The following IWS1 variants were observed in gnomAD, a reference collection of about 807,000 sequenced individuals.
The protein encoded by IWS1 is interacts with SUPT6H, CTD assembly factor 1.
IWS1 carries 27 observed loss-of-function variants against 86.7 expected under a neutral mutation model. The ratio of observed to expected loss-of-function variants is 0.31; its 90% CI spans 0.23 to 0.43. The LOEUF (loss-of-function observed/expected upper bound fraction) is 0.43, where lower values mean the gene tolerates loss of function less well. Ranked by LOEUF, IWS1 falls within the 20% of genes least tolerant of loss-of-function variation. IWS1 has a pLI of 1.00. For synonymous variants in IWS1, 313 were observed against 335.1 expected (o/e 0.93, Z 0.72); for missense variants, 827 against 1,000.8 (o/e 0.83, Z 2.34).
At chr2:127,513,083 A>G (rs1691560874) in intron 2 of IWS1, among the ~76,000 whole-genome samples, 1 of 152,204 alleles carries the variant, frequency 6.6e-6, no homozygotes, top group South Asian at 2.1e-4. Flanking sequence ...TCTACTAAAA[A>G]TACAAAAAGT....
chr2:127,493,836 C>CAAAAAAAAA (rs35810945), intron 8 of IWS1, among the ~76,000 whole-genome samples: 1 of 93,028 alleles, frequency 1.1e-5, no homozygotes. Flanking sequence ...ACTGGCAGGA[C>CAAAAAAAAA]AAAAAAAAAA....
intron 2 of IWS1, among the ~76,000 whole-genome samples, chr2:127,521,829 C>A (rs1692111476): frequency 6.6e-6 from 1 of 152,128 alleles, no homozygotes; most frequent in Non-Finnish European, 1.5e-5. Context: ...TATTTAGAAT[C>A]CATATTATAA....
At chr2:127,494,100 T>C (rs1474938802) in intron 8 of IWS1, among the ~76,000 whole-genome samples, 3 of 151,870 alleles carry the variant, frequency 2.0e-5, no homozygotes, top group Non-Finnish European at 2.9e-5. Context: ...TGCTCAGAAA[T>C]ATAAGCAAAT....
chr2:127,508,223 A>T (rs945748729), intron 2 of IWS1, among the ~76,000 whole-genome samples: 1 of 152,216 alleles, frequency 6.6e-6, no homozygotes, highest in African/African-American at 2.4e-5. Context: ...GCCTGACCTT[A>T]AGAGCTGCTG....
rs1692240603 is a variant in IWS1 at position 127,523,803 on chromosome 2, CA to C, written c.35-13del. The C allele has an allele frequency of 2.5e-6, 4 of 1,589,408 alleles. No individual in the cohort carries two copies. The East Asian group carries it at 8.9e-5, about 36-fold the overall frequency. On this transcript the variant is annotated splice_polypyrimidine_tract_variant and intron_variant, in intron 1 of 13. Transcript: ENST00000295321. ...AGCACCACCATCATCTGATTAAAAA[CA>C]AAACAAAAACCAACTTATGGTGTAA...
chr2:127,526,304 C>T lies in IWS1; in HGVS notation c.-96G>A. 1 of 1,542,094 alleles carries T rather than the reference C, an allele frequency of 6.5e-7. No homozygotes were observed. Among genetic ancestry groups the T allele is most frequent in the Non-Finnish European group, 8.7e-7 (1 of 1,146,878 alleles). On this transcript the variant is annotated 5_prime_UTR_variant, in exon 1 of 14. Coordinates refer to ENST00000295321, the MANE Select transcript of IWS1 (RefSeq NM_017969.3). ...ACCCCGGATGGCGCGGCTAAGTGTT[C>T]AGAGACTGCCGCCCGACCGGAGAAC...
At chr2:127,524,350 CCTAA>C (rs1692268383) in intron 1 of IWS1, among the ~76,000 whole-genome samples, 1 of 152,056 alleles carries the variant, frequency 6.6e-6, no homozygotes, top group African/African-American at 2.4e-5. Flanking sequence ...CAAACTGTTA[CCTAA>C]CTTTCTTTTA....
At chr2:127,486,969 C>T (rs1325052333) in intron 12 of IWS1, among the ~76,000 whole-genome samples, 1 of 152,176 alleles carries the variant, frequency 6.6e-6, no homozygotes, top group Non-Finnish European at 1.5e-5. Context: ...CAAGGCTAGT[C>T]CCGCCCGCAT....
chr2:127,483,619 T>C (rs1466829415), intron 13 of IWS1, among the ~76,000 whole-genome samples: 5 of 14,140 alleles, frequency 3.5e-4, no homozygotes, highest in Admixed American at 2.5e-3. Flanking sequence ...TGTGTGTGTG[T>C]GTGTGCGTGT....
In IWS1 at chr2:127,500,575, C is replaced by A. The variant is rs144188810; in HGVS notation, c.1467+2240G>T. 2.2e-4 allele frequency among the ~76,000 whole-genome samples: 33 copies of A among 152,174 alleles called. No individual in the cohort carries two copies. In the East Asian group the frequency reaches 4.2e-3, roughly 20 times the overall value. ...CTTTTGGTCCATGTTTACACAAAGT[C>A]CCCTTTCATACACCTTTATTTTCAG... On this transcript the variant is annotated intron_variant, in intron 5 of 13. Coordinates refer to ENST00000295321, the MANE Select transcript of IWS1 (RefSeq NM_017969.3).
At chr2:127,513,584 G>A (rs550486658) in intron 2 of IWS1, among the ~76,000 whole-genome samples, 1 of 152,112 alleles carries the variant, frequency 6.6e-6, no homozygotes, top group East Asian at 1.9e-4. Flanking sequence ...AGTAAAGAAA[G>A]GTTTATCTTT....
intron 2 of IWS1, among the ~76,000 whole-genome samples, chr2:127,521,570 CCAAA>C (rs1452963125): frequency 6.6e-6 from 1 of 152,172 alleles, no homozygotes; most frequent in Non-Finnish European, 1.5e-5. Flanking sequence ...TAGATGTGCT[CCAAA>C]CACTTACAGA....
chr2:127,520,736 C>CT (rs1692048945), intron 2 of IWS1, among the ~76,000 whole-genome samples: 1 of 152,114 alleles, frequency 6.6e-6, no homozygotes, highest in African/African-American at 2.4e-5. Context: ...CTCCTGGCAG[C>CT]TTTCTAAGGA....
At chr2:127,485,615 C>G (rs900629161) in intron 13 of IWS1, among the ~76,000 whole-genome samples, 1 of 152,042 alleles carries the variant, frequency 6.6e-6, no homozygotes, top group Non-Finnish European at 1.5e-5. Context: ...AAAACGGGTA[C>G]CAGTCAGGAA....
chr2:127,494,618 CA>C (rs537613074), intron 8 of IWS1: 3 of 268,020 alleles, frequency 1.1e-5, no homozygotes, highest in East Asian at 1.4e-4. Context: ...AAAAACAAAA[CA>C]AAAAAACACA....
chr2:127,492,460 C>T (rs935008088), intron 9 of IWS1, among the ~76,000 whole-genome samples: 2 of 151,788 alleles, frequency 1.3e-5, no homozygotes, highest in Non-Finnish European at 2.9e-5. Context: ...GCAGGAGAAT[C>T]GCTTGAACCT....
intron 2 of IWS1, among the ~76,000 whole-genome samples, chr2:127,507,918 T>C (rs1691229568): frequency 6.6e-6 from 1 of 152,204 alleles, no homozygotes; most frequent in Admixed American, 6.5e-5. Flanking sequence ...ATGTGTAAAA[T>C]TACCTTCCAG....
At chr2:127,519,719 T>C (rs1180528148) in intron 2 of IWS1, among the ~76,000 whole-genome samples, 1 of 152,162 alleles carries the variant, frequency 6.6e-6, no homozygotes, top group Non-Finnish European at 1.5e-5. Context: ...ACTGTGCAAA[T>C]GTAATTAAGG....
intron 3 of IWS1, 99 bp downstream of exon 3, chr2:127,504,585 G>C: frequency 3.5e-6 from 3 of 857,954 alleles, no homozygotes; most frequent in Non-Finnish European, 5.6e-6. Flanking sequence ...CTGAATAACA[G>C]AACACAGATC....
Sources: allele counts gnomAD v4.1 joint callset (sites outside exome capture counted in the v4.1 genomes callset), GRCh38; gene constraint gnomAD v4.1.1; transcripts MANE v1.5; gene names NCBI Gene and HGNC (gene_info 2026-07-23, HGNC 2026-07-21).